ZNF423: variants seen among roughly 807,000 people sequenced by gnomAD.
The protein encoded by ZNF423 is zinc finger protein 423.
Under a neutral mutation model 95.8 loss-of-function variants are expected in ZNF423, and 12 were observed. The observed-to-expected ratio is 0.13, with a 90% CI of 0.08 to 0.20. The LOEUF is 0.20. Ranked by LOEUF, ZNF423 falls within the 10% of genes least tolerant of loss-of-function variation. The pLI is 1.00. For missense variants in ZNF423, 1,316 were observed against 1,737.1 expected (o/e 0.76, Z 4.31); for synonymous variants, 749 against 711.9 (o/e 1.05, Z -0.83).
chr16:49,854,035 G>A (rs2035329908), intron 1 of ZNF423: 2 of 985,238 alleles, frequency 2.0e-6, no homozygotes, highest in Admixed American at 6.2e-5. Flanking sequence ...AAGAAATCCA[G>A]TATTATTTCA....
At chr16:49,730,627 G>C in intron 3 of ZNF423, 144 bp downstream of exon 3, 1 of 841,924 alleles carries the variant, frequency 1.2e-6, no homozygotes. Flanking sequence ...GGCGGATACA[G>C]GGTACCCAAG....
Position 49,635,619 on chromosome 16 carries a change from A to T in ZNF423, c.3516+41T>A. The T allele has an allele frequency of 6.6e-7, 1 of 1,511,154 alleles. No individual in the cohort carries two copies. The highest frequency in any genetic ancestry group is 8.8e-7 in the Non-Finnish European group (1 of 1,132,386). The allele number at this position is 1,511,154 out of a possible 1,614,324, so 93.6% of individuals were successfully genotyped here. On this transcript the variant is annotated intron_variant, in intron 4 of 7. Transcript: ENST00000563137. The surrounding 1 kb of genome is among the most constrained non-coding windows in gnomAD (Gnocchi z 4.8). ...TCCTGTGGGGACCAGAGGAGCCCCA[A>T]GGAGAGGAGCAGGGAGCAGGATGAG...
intron 7 of ZNF423, among the ~76,000 whole-genome samples, chr16:49,508,180 G>T (rs902105557): frequency 3.3e-5 from 5 of 152,090 alleles, no homozygotes; most frequent in Admixed American, 3.3e-4. Flanking sequence ...CACTCAAAAA[G>T]CACTAGCTAA....
intron 3 of ZNF423, among the ~76,000 whole-genome samples, chr16:49,703,798 G>A (rs1035260109): frequency 3.5e-4 from 54 of 152,312 alleles, no homozygotes; most frequent in African/African-American, 1.0e-3. Context: ...GCCCTAACTC[G>A]CTGGGCTGGC....
intron 5 of ZNF423, among the ~76,000 whole-genome samples, chr16:49,587,991 G>C (rs982459150): frequency 6.6e-6 from 1 of 152,096 alleles, no homozygotes; most frequent in Admixed American, 6.5e-5. Context: ...ATACTACTTA[G>C]GAATTTGCAC....
intron 1 of ZNF423, among the ~76,000 whole-genome samples, chr16:49,800,293 T>G (rs1045924361): frequency 2.6e-5 from 4 of 151,906 alleles, no homozygotes; most frequent in African/African-American, 9.7e-5. Context: ...CTCACTATGT[T>G]GCCCAGACTG....
Position 49,623,041 on chromosome 16 carries a change from G to C in ZNF423, c.3601+3129C>G, listed in dbSNP as rs534633170. ...GGTAGACTGGGTTGATGAGGCTCGG[G>C]GAGGGCAGGCAGGTAGGGAGTGCAG... On this transcript the variant is annotated intron_variant, in intron 5 of 7. Transcript: ENST00000563137. Among the ~76,000 whole-genome samples the C allele has an allele frequency of 2.0e-5, 3 of 152,202 alleles. No homozygotes were observed. In the South Asian group the frequency reaches 6.2e-4, roughly 32 times the overall value.
chr16:49,703,047 C>T (rs1165803487), intron 3 of ZNF423, among the ~76,000 whole-genome samples: 3 of 152,170 alleles, frequency 2.0e-5, no homozygotes, highest in African/African-American at 7.2e-5. Context: ...TTGATACGAA[C>T]ACATGCACCA....
At chr16:49,682,390 G>A (rs1397649286) in intron 3 of ZNF423, among the ~76,000 whole-genome samples, 1 of 152,214 alleles carries the variant, frequency 6.6e-6, no homozygotes, top group African/African-American at 2.4e-5. Context: ...AGGAAAGGAG[G>A]GTGGGTGCAG....
At chr16:49,523,575 G>A (rs1968487473) in intron 7 of ZNF423, 49 bp downstream of exon 7, 2 of 1,522,600 alleles carry the variant, frequency 1.3e-6, no homozygotes, top group Non-Finnish European at 9.1e-7. Context: ...TGCTGACGGG[G>A]GAACCGAGGA....
upstream of ZNF423, among the ~76,000 whole-genome samples, chr16:49,858,251 G>T (rs2035392961): frequency 6.7e-6 from 1 of 148,918 alleles, no homozygotes; most frequent in South Asian, 2.1e-4. This position sits in a 1 kb window ranked among gnomAD's most constrained non-coding sequence, Gnocchi z 4.3. Context: ...CGCGGCGCCC[G>T]CCCCACGCAG....
At chr16:49,517,958 C>T in intron 7 of ZNF423, 2 of 453,376 alleles carry the variant, frequency 4.4e-6, no homozygotes, top group South Asian at 3.1e-5. Flanking sequence ...TTTTTAGGAG[C>T]AGCACGTCGT....
chr16:49,832,835 CCAAG>C (rs1448461199), intron 1 of ZNF423, among the ~76,000 whole-genome samples: 2 of 152,198 alleles, frequency 1.3e-5, no homozygotes, highest in Non-Finnish European at 2.9e-5. Context: ...AGGATGGTAG[CCAAG>C]CCTGAAACGG....
chr16:49,820,086 G>A (rs563021377), intron 1 of ZNF423, among the ~76,000 whole-genome samples: 1 of 151,890 alleles, frequency 6.6e-6, no homozygotes, highest in Admixed American at 6.6e-5. Flanking sequence ...GGATGGATGG[G>A]TGGATGGATG....
intron 5 of ZNF423, among the ~76,000 whole-genome samples, chr16:49,542,479 A>G (rs1217753310): frequency 3.9e-5 from 6 of 152,238 alleles, no homozygotes; most frequent in African/African-American, 1.4e-4. Flanking sequence ...GTGAGTCATC[A>G]TCCACTCTCG....
intron 5 of ZNF423, among the ~76,000 whole-genome samples, chr16:49,534,356 C>T (rs1968979603): frequency 6.6e-6 from 1 of 152,004 alleles, no homozygotes; most frequent in Non-Finnish European, 1.5e-5. Context: ...TGGGCTCAAG[C>T]GATTCCCCTG....
At chr16:49,734,037 C>G (rs1004102970) in intron 2 of ZNF423, among the ~76,000 whole-genome samples, 1 of 152,352 alleles carries the variant, frequency 6.6e-6, no homozygotes, top group South Asian at 2.1e-4. Flanking sequence ...AGCAGCACAC[C>G]TTTCCTGAAG....
chr16:49,622,777 C>T (rs1002064870), intron 5 of ZNF423, among the ~76,000 whole-genome samples: 1 of 152,170 alleles, frequency 6.6e-6, no homozygotes, highest in Non-Finnish European at 1.5e-5. Flanking sequence ...CTCTAAGCCC[C>T]GGGTTCCTCA....
chr16:49,636,159 T>C lies in ZNF423; in HGVS notation c.3017A>G (p.Gln1006Arg). 5 of 1,613,740 alleles carry C rather than the reference T, an allele frequency of 3.1e-6. No homozygotes were observed. The highest frequency in any genetic ancestry group is 4.2e-6 in the Non-Finnish European group (5 of 1,180,026). ...GTCRICKMPL[Q>R]SEEEFIEHCQ... ...GTGCTCAATAAACTCCTCCTCGCTC[T>C]GCAGGGGCATCTTGCAGATGCGACA... The change falls in exon 4 of 8, where the codon CAG becomes CGG. Residue 1006 changes from glutamine (Q) to arginine (R), a missense_variant. Gln to Arg is a conservative substitution (Grantham distance 43). This residue lies in a region of ZNF423 where 620 missense variants were observed against 775.6 expected (regional missense o/e 0.80). Transcript: ENST00000563137. The surrounding 1 kb of genome is among the most constrained non-coding windows in gnomAD (Gnocchi z 8.6).
Sources: gnomAD v4.1 joint callset for allele counts (sites outside exome capture counted in the v4.1 genomes callset) on GRCh38, gnomAD v4.1.1 for gene constraint, gnomAD v4.1.1 regional missense constraint, Gnocchi (gnomAD v3.1) non-coding constraint, MANE v1.5 for transcripts, NCBI Gene and HGNC (gene_info 2026-07-23, HGNC 2026-07-21) for gene names.